The following CDC42BPB variants were observed in gnomAD, a reference collection of about 807,000 sequenced individuals.
CDC42BPB encodes the protein CDC42 binding protein kinase beta.
In CDC42BPB, 37 loss-of-function variants were observed where a neutral mutation model predicts 214.9. That is an observed-to-expected ratio of 0.17 (90% CI 0.13 to 0.23). The LOEUF is 0.23. CDC42BPB is among the 10% of genes least tolerant of loss of function. The probability of loss-of-function intolerance (pLI) is 1.00; values close to 1 mark genes in which losing one functional copy is unlikely to be tolerated. For synonymous variants in CDC42BPB, 931 were observed against 884.0 expected (o/e 1.05, Z -0.94); for missense variants, 1,694 against 2,227.0 (o/e 0.76, Z 4.82).
Position 102,932,875 on chromosome 14 carries a change from T to TGGGGG in CDC42BPB, c.*832_*836dup, listed in dbSNP as rs1315164013. 32 of 60,600 alleles carry TGGGGG rather than the reference T, an allele frequency of 5.3e-4. No individual in the cohort carries two copies. The highest frequency in any genetic ancestry group is 3.7e-3 in the South Asian group (6 of 1,608). 3.8% of individuals were successfully genotyped at this position (60,600 alleles called of 1,614,324 possible). A position where few individuals can be genotyped will look rare whatever the true frequency, so the allele number is the denominator to read the frequency against. On this transcript the variant is annotated 3_prime_UTR_variant, in exon 37 of 37. Coordinates refer to ENST00000361246, the MANE Select transcript of CDC42BPB (RefSeq NM_006035.4). ...GGGCTCCATGCGGGGGCAGGACTGG[T>TGGGGG]GGGGGGGGGGGCGGGCAGGGCGGGG...
intron 1 of CDC42BPB, among the ~76,000 whole-genome samples, chr14:103,039,971 A>G (rs573615438): frequency 2.0e-5 from 3 of 152,364 alleles, no homozygotes; most frequent in African/African-American, 7.2e-5. Flanking sequence ...ATAAAAATCA[A>G]TTTACCTCAG....
intron 26 of CDC42BPB, 111 bp from the exon 27 acceptor site, chr14:102,947,913 C>T (rs1239093735): frequency 1.3e-6 from 2 of 1,568,498 alleles, no homozygotes; most frequent in East Asian, 2.3e-5. Context: ...CCGTGTTCTG[C>T]AGTGGAGGGC....
chr14:103,041,087 T>A (rs553460393), intron 1 of CDC42BPB, among the ~76,000 whole-genome samples: 11 of 152,182 alleles, frequency 7.2e-5, no homozygotes, highest in African/African-American at 2.7e-4. Context: ...ACACATATAT[T>A]AATGGAATAC....
In CDC42BPB at chr14:102,944,510, G is replaced by A. The variant is rs572507521; in HGVS notation, c.3812-23C>T. 1.1e-5 allele frequency: 17 copies of A among 1,595,882 alleles called. No individual in the cohort carries two copies. The highest frequency in any genetic ancestry group is 2.2e-5 in the East Asian group (1 of 44,594). ...TCACTGTGGCAAGGAGGACAAGAGC[G>A]TGAGGCCGACGGGACAGCCAGCAGC... On this transcript the variant is annotated intron_variant, in intron 29 of 36. Coordinates refer to ENST00000361246, the MANE Select transcript of CDC42BPB (RefSeq NM_006035.4). This position sits in a 1 kb window ranked among gnomAD's most constrained non-coding sequence, Gnocchi z 6.6.
intron 1 of CDC42BPB, among the ~76,000 whole-genome samples, chr14:103,037,730 G>A (rs1053836963): frequency 6.6e-6 from 1 of 152,008 alleles, no homozygotes; most frequent in South Asian, 2.1e-4. Context: ...ATGTGGAGAG[G>A]AGTTTTTAAA....
intron 1 of CDC42BPB, among the ~76,000 whole-genome samples, chr14:103,048,505 G>A (rs935501427): frequency 2.3e-5 from 3 of 133,170 alleles, no homozygotes; most frequent in African/African-American, 5.6e-5. Flanking sequence ...TGGCTAACAC[G>A]GTGAAACCCT....
intron 5 of CDC42BPB, among the ~76,000 whole-genome samples, chr14:102,987,788 AACACACACACACACAC>A (rs57579935): frequency 2.1e-5 from 3 of 140,760 alleles, no homozygotes; most frequent in Admixed American, 2.1e-4. Context: ...CAAACACACA[AACACACACACACACAC>A]ACACACACAC....
chr14:103,053,623 G>T (rs563335775), intron 1 of CDC42BPB, among the ~76,000 whole-genome samples: 1 of 151,226 alleles, frequency 6.6e-6, no homozygotes, highest in Non-Finnish European at 1.5e-5. Context: ...TTAGCCAGGC[G>T]TGATGGCGGG....
chr14:102,957,661 G>A (rs1892771502), intron 21 of CDC42BPB, among the ~76,000 whole-genome samples: 1 of 152,250 alleles, frequency 6.6e-6, no homozygotes, highest in Admixed American at 6.5e-5. Context: ...ACAGGTGAAG[G>A]TGAACAGGTG....
At position 102,954,198 on chromosome 14, in the gene CDC42BPB, C is replaced by G; in HGVS notation, c.3066G>C (p.Lys1022Asn). The part of the protein sequence containing the change: ...TTQALALAGP[K>N]PKAHQFSIKS... Reference sequence around the variant, plus strand: ...CCCCGGGTGAAAGCAAGGCCCCTACCTTCGGTCCAGCCAGAGCCAGGGCCT... The same window carrying G: ...CCCCGGGTGAAAGCAAGGCCCCTACGTTCGGTCCAGCCAGAGCCAGGGCCT... Residue 1022 changes from lysine to asparagine, a missense_variant and splice_region_variant, in exon 23 of 37, where the codon AAG (lysine) becomes AAC (asparagine). By Grantham distance (94) the Lys-to-Asn change is moderately conservative. Transcript: ENST00000361246. 6.5e-7 allele frequency: 1 copy of G among 1,547,988 alleles called. No individual in the cohort carries two copies. Among genetic ancestry groups the G allele is most frequent in the Non-Finnish European group, 8.7e-7 (1 of 1,144,832 alleles).
At chr14:103,018,708 C>T (rs1886605460) in intron 1 of CDC42BPB, among the ~76,000 whole-genome samples, 1 of 152,172 alleles carries the variant, frequency 6.6e-6, no homozygotes, top group Non-Finnish European at 1.5e-5. Flanking sequence ...CAACGGAATC[C>T]AATTACATCA....
chr14:103,038,767 G>T (rs530608603), intron 1 of CDC42BPB, among the ~76,000 whole-genome samples: 57 of 149,894 alleles, frequency 3.8e-4, no homozygotes, highest in African/African-American at 1.4e-3. Context: ...TCGAACTCCT[G>T]GACTCAAGTG....
intron 16 of CDC42BPB, 42 bp downstream of exon 16, chr14:102,968,211 C>A: frequency 6.9e-7 from 1 of 1,456,230 alleles, no homozygotes; most frequent in Non-Finnish European, 9.6e-7. Context: ...TAAATTACAA[C>A]TTCCACACAA....
chr14:102,960,995 A>AAAATAAATAAAT (rs530956316), intron 20 of CDC42BPB, among the ~76,000 whole-genome samples: 25 of 151,910 alleles, frequency 1.6e-4, no homozygotes, highest in African/African-American at 5.3e-4. Flanking sequence ...CCCATCTCTA[A>AAAATAAATAAAT]AAATAAATAA....
At chr14:103,008,952 A>T (rs10148346) in intron 2 of CDC42BPB, among the ~76,000 whole-genome samples, 1 of 152,182 alleles carries the variant, frequency 6.6e-6, no homozygotes, top group Non-Finnish European at 1.5e-5. Context: ...GAACAATTCA[A>T]GTGCCACCTC....
chr14:102,985,528 G>A (rs971933307), intron 6 of CDC42BPB, among the ~76,000 whole-genome samples: 4 of 152,166 alleles, frequency 2.6e-5, no homozygotes, highest in Non-Finnish European at 4.4e-5. Flanking sequence ...GACAGCACCC[G>A]CCTACCAATT....
chr14:103,011,963 G>C, intron 2 of CDC42BPB, 134 bp downstream of exon 2: 2 of 685,048 alleles, frequency 2.9e-6, no homozygotes, highest in Non-Finnish European at 5.2e-6. Context: ...AAGAGAGAGA[G>C]GAAAAAACAA....
intron 7 of CDC42BPB, 93 bp from the exon 8 acceptor site, chr14:102,981,114 A>G (rs1456162922): frequency 1.3e-6 from 2 of 1,558,392 alleles, no homozygotes; most frequent in Non-Finnish European, 1.7e-6. Context: ...TAGAAATGGT[A>G]GCTTCAAAGC....
At chr14:103,028,916 A>G (rs1022693356) in intron 1 of CDC42BPB, among the ~76,000 whole-genome samples, 1 of 152,192 alleles carries the variant, frequency 6.6e-6, no homozygotes, top group Non-Finnish European at 1.5e-5. Flanking sequence ...AGATCAGCAG[A>G]GTTGATCTGA....
Sources: gnomAD v4.1 joint callset for allele counts (sites outside exome capture counted in the v4.1 genomes callset) on GRCh38, gnomAD v4.1.1 for gene constraint, Gnocchi (gnomAD v3.1) non-coding constraint, MANE v1.5 for transcripts, NCBI Gene and HGNC (gene_info 2026-07-23, HGNC 2026-07-21) for gene names.